Variants in PCDH15 observed in about 807,000 individuals in gnomAD.
PCDH15 encodes protocadherin related 15.
PCDH15 carries 129 observed loss-of-function variants against 178.5 expected under a neutral mutation model. The observed-to-expected ratio is 0.72, with a 90% CI of 0.63 to 0.84. The LOEUF is 0.84. Ranked by LOEUF, PCDH15 falls within the 40% of genes least tolerant of loss-of-function variation. The pLI is 0.00. For missense variants in PCDH15, 2,230 were observed against 2,099.9 expected, an observed-to-expected ratio of 1.06 and a Z score of -1.21; for synonymous variants, 800 against 732.0, an observed-to-expected ratio of 1.09 and a Z score of -1.50.
intron 2 of PCDH15, among the ~76,000 whole-genome samples, chr10:55,501,568 T>TTA (rs1259167838): frequency 6.6e-6 from 1 of 151,714 alleles, no homozygotes; most frequent in Non-Finnish European, 1.5e-5. Context: ...CCCTTGATGG[T>TTA]TATATAGTGT....
intron 2 of PCDH15, among the ~76,000 whole-genome samples, chr10:55,525,840 C>G (rs1354701003): frequency 6.6e-6 from 1 of 151,776 alleles, no homozygotes; most frequent in African/African-American, 2.4e-5. Flanking sequence ...AAGGTGAAAT[C>G]AATAATGTGG....
intron 1 of PCDH15, among the ~76,000 whole-genome samples, chr10:55,245,197 G>A (rs1311185789): frequency 1.3e-5 from 2 of 152,042 alleles, no homozygotes; most frequent in African/African-American, 4.8e-5. Context: ...TTTTCTAGAA[G>A]TATAAAACAT....
At chr10:55,133,960 G>A (rs1393055741) in intron 2 of PCDH15, among the ~76,000 whole-genome samples, 2 of 151,972 alleles carry the variant, frequency 1.3e-5, no homozygotes, top group Admixed American at 6.6e-5. Flanking sequence ...TTTCTGCTCT[G>A]ATCTCCTTTA....
At chr10:54,113,562 C>G (rs1349917681) in intron 15 of PCDH15, among the ~76,000 whole-genome samples, 1 of 151,858 alleles carries the variant, frequency 6.6e-6, no homozygotes, top group African/African-American at 2.4e-5. Flanking sequence ...TCCCAGAGTC[C>G]CCATAACAGT....
chr10:53,993,128 G>A (rs1207497656), intron 21 of PCDH15, among the ~76,000 whole-genome samples: 2 of 152,170 alleles, frequency 1.3e-5, no homozygotes, highest in Non-Finnish European at 2.9e-5. Flanking sequence ...AATATATGCA[G>A]GGGCAGAAGC....
intron 3 of PCDH15, among the ~76,000 whole-genome samples, chr10:54,485,056 T>C (rs1376637469): frequency 6.6e-6 from 1 of 151,834 alleles, no homozygotes; most frequent in Non-Finnish European, 1.5e-5. Flanking sequence ...TATAAGCAAC[T>C]ACATAAGGCT....
At chr10:55,315,915 C>T (rs1195013576) in intron 1 of PCDH15, among the ~76,000 whole-genome samples, 2 of 152,104 alleles carry the variant, frequency 1.3e-5, no homozygotes. Flanking sequence ...ACTTGGGAGG[C>T]TGAAGCAGGA....
intron 2 of PCDH15, among the ~76,000 whole-genome samples, chr10:55,476,549 A>G (rs1840065957): frequency 6.6e-6 from 1 of 152,090 alleles, no homozygotes; most frequent in African/African-American, 2.4e-5. Context: ...CATATAAAAT[A>G]TAATCTACCC....
At chr10:54,097,633 T>C (rs934295975) in intron 15 of PCDH15, among the ~76,000 whole-genome samples, 4 of 152,216 alleles carry the variant, frequency 2.6e-5, no homozygotes, top group African/African-American at 9.6e-5. Flanking sequence ...TTTTGTCTTT[T>C]TTATTTACTA....
At chr10:55,472,560 C>T (rs1370289317) in intron 2 of PCDH15, among the ~76,000 whole-genome samples, 5 of 143,438 alleles carry the variant, frequency 3.5e-5, no homozygotes, top group Admixed American at 7.4e-5. Context: ...AGAAAAAACA[C>T]ATGAACTTTT....
chr10:54,270,759 C>T (rs77352943), intron 8 of PCDH15, among the ~76,000 whole-genome samples: 5,961 of 152,216 alleles, frequency 0.039, 286 homozygotes, highest in African/African-American at 0.11. Flanking sequence ...GATTTATTCA[C>T]TCAGCAAAGT....
At chr10:54,294,695 ATG>A (rs2059635260) in intron 8 of PCDH15, among the ~76,000 whole-genome samples, 1 of 93,732 alleles carries the variant, frequency 1.1e-5, no homozygotes, top group Non-Finnish European at 2.4e-5. Context: ...AGACACACAC[ATG>A]AGTCAATCTG....
chr10:54,757,853 C>T (rs1350227655), intron 1 of PCDH15, among the ~76,000 whole-genome samples: 1 of 152,052 alleles, frequency 6.6e-6, no homozygotes, highest in Non-Finnish European at 1.5e-5. Flanking sequence ...AGAGTTAAAG[C>T]CAAACATCAT....
rs535659452 is a variant in PCDH15 at position 55,563,207 on chromosome 10, C to A, written c.-156+64418G>T. 7.9e-5 allele frequency among the ~76,000 whole-genome samples: 12 copies of A among 151,946 alleles called. No individual in the cohort carries two copies. The South Asian group carries it at 2.5e-3, about 31-fold the overall frequency. On this transcript the variant is annotated intron_variant, in intron 2 of 5. Transcript: ENST00000613346. Reference sequence around the variant, plus strand: ...AGGTGGTAGCCATTGTTTTTGCACTCCCTTCTTTTCTAAAACCCACTCTTC... The same window carrying A: ...AGGTGGTAGCCATTGTTTTTGCACTACCTTCTTTTCTAAAACCCACTCTTC...
At chr10:55,416,288 C>T (rs996771752) in intron 2 of PCDH15, among the ~76,000 whole-genome samples, 2 of 151,690 alleles carry the variant, frequency 1.3e-5, no homozygotes, top group Non-Finnish European at 2.9e-5. Flanking sequence ...TCCTGGTTAT[C>T]GGAACTTAAG....
intron 2 of PCDH15, among the ~76,000 whole-genome samples, chr10:54,972,180 T>C (rs180903778): frequency 6.6e-6 from 1 of 152,316 alleles, no homozygotes; most frequent in Non-Finnish European, 1.5e-5. Context: ...TTTTATGACT[T>C]TGTGACAATC....
At chr10:54,523,357 T>G (rs1264276609) in intron 3 of PCDH15, among the ~76,000 whole-genome samples, 1 of 152,184 alleles carries the variant, frequency 6.6e-6, no homozygotes, top group Admixed American at 6.5e-5. Flanking sequence ...TATAACAATT[T>G]CATAAAAATT....
chr10:53,889,148 G>T (rs2081383169), intron 26 of PCDH15, among the ~76,000 whole-genome samples: 2 of 151,782 alleles, frequency 1.3e-5, no homozygotes, highest in Admixed American at 6.6e-5. Context: ...AAAAAGTCAT[G>T]TTTTTGTGTT....
chr10:54,186,868 A>G (rs1161739561), intron 11 of PCDH15, among the ~76,000 whole-genome samples: 1 of 152,042 alleles, frequency 6.6e-6, no homozygotes, highest in Non-Finnish European at 1.5e-5. Context: ...CAATTAGAAA[A>G]TGCATATGTC....
Sources: gnomAD v4.1 joint callset for allele counts (sites outside exome capture counted in the v4.1 genomes callset) on GRCh38, gnomAD v4.1.1 for gene constraint, MANE v1.5 for transcripts, NCBI Gene and HGNC (gene_info 2026-07-23, HGNC 2026-07-21) for gene names.